The following NAPB variants were observed in gnomAD, a reference collection of about 807,000 sequenced individuals.
The protein encoded by NAPB is NSF attachment protein beta, also known as beta-soluble NSF attachment protein.
Under a neutral mutation model 44.7 loss-of-function variants are expected in NAPB, and 26 were observed. The ratio of observed to expected loss-of-function variants is 0.58; its 90% CI spans 0.43 to 0.81. NAPB has a LOEUF of 0.81. Ranked by LOEUF, NAPB falls within the 30% of genes least tolerant of loss-of-function variation. The pLI is 0.00. For synonymous variants in NAPB, 120 were observed against 116.8 expected (o/e 1.03, Z -0.18); for missense variants, 315 against 356.4 (o/e 0.88, Z 0.94).
chr20:23,399,651 G>A (rs77943289), intron 2 of NAPB, among the ~76,000 whole-genome samples: 2,979 of 152,324 alleles, frequency 0.02, 99 homozygotes, highest in African/African-American at 0.067. Flanking sequence ...GGCCCCTTGT[G>A]AATCATGAGA....
rs183783030 is a variant in NAPB at position 23,408,613 on chromosome 20, C to G, written c.99-5541G>C. On this transcript the variant is annotated intron_variant, in intron 1 of 10. Coordinates refer to ENST00000377026, the MANE Select transcript of NAPB (RefSeq NM_022080.3). Reference sequence around the variant, plus strand: ...AAAACTTGGGGCTTTCCTAGGTAAACTTAACCCTTCCAAGATTACTTTATT... The same window carrying G: ...AAAACTTGGGGCTTTCCTAGGTAAAGTTAACCCTTCCAAGATTACTTTATT... 5.9e-5 allele frequency among the ~76,000 whole-genome samples: 9 copies of G among 152,308 alleles called. No individual in the cohort carries two copies. In the East Asian group the frequency reaches 1.7e-3, roughly 29 times the overall value.
intron 5 of NAPB, among the ~76,000 whole-genome samples, chr20:23,393,946 G>A (rs539855643): frequency 3.3e-5 from 5 of 152,298 alleles, no homozygotes; most frequent in East Asian, 1.9e-4. Flanking sequence ...GCATGTGTGC[G>A]GAACAGCAAG....
intron 8 of NAPB, 111 bp from the exon 9 acceptor site, chr20:23,380,046 G>T: frequency 1.4e-6 from 1 of 730,968 alleles, no homozygotes; most frequent in Non-Finnish European, 2.2e-6. Flanking sequence ...TGTTGAAAAA[G>T]TATGTAGTTA....
chr20:23,411,572 AATG>A (rs1249785871), intron 1 of NAPB, among the ~76,000 whole-genome samples: 3 of 152,112 alleles, frequency 2.0e-5, no homozygotes, highest in African/African-American at 7.2e-5. Context: ...TCTAAGACAA[AATG>A]TAAGGACAAG....
At chr20:23,394,431 A>T (rs916578514) in intron 5 of NAPB, among the ~76,000 whole-genome samples, 5 of 152,182 alleles carry the variant, frequency 3.3e-5, no homozygotes, top group Non-Finnish European at 7.4e-5. Flanking sequence ...CCAGTCCCAG[A>T]CATGTTGGGT....
At chr20:23,388,172 A>C (rs6083106) in intron 7 of NAPB, among the ~76,000 whole-genome samples, 68,684 of 151,842 alleles carry the variant, frequency 0.45, 15,838 homozygotes, top group East Asian at 0.71. Context: ...GGTCTTCAGA[A>C]TGCAGATCTT....
At chr20:23,400,644 ATC>A (rs1984766369) in intron 2 of NAPB, among the ~76,000 whole-genome samples, 1 of 152,220 alleles carries the variant, frequency 6.6e-6, no homozygotes. Context: ...TGTGAGGATG[ATC>A]TCTCAAAAGC....
chr20:23,419,361 G>A (rs2251145), intron 1 of NAPB, among the ~76,000 whole-genome samples: 45,241 of 152,078 alleles, frequency 0.3, 6,765 homozygotes, highest in Middle Eastern at 0.38. Context: ...ATTTAAAAGG[G>A]AGATGTTTCT....
chr20:23,413,639 C>T (rs1395605291), intron 1 of NAPB, among the ~76,000 whole-genome samples: 1 of 151,986 alleles, frequency 6.6e-6, no homozygotes, highest in Admixed American at 6.6e-5. Context: ...AATAAAGTGA[C>T]AGAAGAAAAT....
At chr20:23,379,312 T>C in intron 10 of NAPB, 133 bp downstream of exon 10, 1 of 646,682 alleles carries the variant, frequency 1.5e-6, no homozygotes, top group Non-Finnish European at 2.6e-6. Flanking sequence ...AAGGTGACGT[T>C]TGGAAAATAC....
intron 1 of NAPB, among the ~76,000 whole-genome samples, chr20:23,416,961 G>A (rs916549920): frequency 3.3e-5 from 5 of 152,094 alleles, no homozygotes; most frequent in African/African-American, 1.2e-4. Context: ...TAACCCAATG[G>A]GGCCTTTCAT....
At chr20:23,388,139 G>C in intron 7 of NAPB, among the ~76,000 whole-genome samples, 1 of 152,070 alleles carries the variant, frequency 6.6e-6, no homozygotes, top group Non-Finnish European at 1.5e-5. Flanking sequence ...ATTTGGACTG[G>C]AGCTATACCA....
chr20:23,418,388 T>G lies in NAPB; in HGVS notation c.98+2917A>C, dbSNP rs139075223. Among the ~76,000 whole-genome samples, 796 of 152,316 alleles carry G rather than the reference T, an allele frequency of 5.2e-3. 7 individuals are homozygous for G. Among genetic ancestry groups the G allele is most frequent in the Non-Finnish European group, 9.0e-3 (615 of 68,032 alleles). ...TCCAGTCTAGAAAGGTGATGATACATGCCATCTATAAGGTAGGATTCTAAA... is the reference window on the plus strand; with the variant it reads ...TCCAGTCTAGAAAGGTGATGATACAGGCCATCTATAAGGTAGGATTCTAAA... On this transcript the variant is annotated intron_variant, in intron 1 of 10. Transcript: ENST00000377026.
At chr20:23,394,258 C>A (rs1309907649) in intron 5 of NAPB, among the ~76,000 whole-genome samples, 2 of 152,138 alleles carry the variant, frequency 1.3e-5, no homozygotes, top group African/African-American at 2.4e-5. Flanking sequence ...AAGGATCCTG[C>A]AGCGATCAAG....
chr20:23,378,431 T>A (rs964267514), intron 10 of NAPB, among the ~76,000 whole-genome samples: 2 of 149,212 alleles, frequency 1.3e-5, no homozygotes, highest in African/African-American at 2.4e-5. Context: ...AATATATATA[T>A]ATATTTATTA....
chr20:23,413,287 T>A (rs1985783857), intron 1 of NAPB, among the ~76,000 whole-genome samples: 1 of 151,094 alleles, frequency 6.6e-6, no homozygotes, highest in South Asian at 2.1e-4. Context: ...CTACCTGGAA[T>A]AAAACCCTTA....
chr20:23,381,723 A>C (rs944699827), intron 7 of NAPB, among the ~76,000 whole-genome samples: 22 of 152,214 alleles, frequency 1.4e-4, no homozygotes, highest in African/African-American at 5.1e-4. Flanking sequence ...CAGAAATGCC[A>C]GTATGCACAG....
At chr20:23,417,495 C>G (rs574692464) in intron 1 of NAPB, among the ~76,000 whole-genome samples, 2 of 152,082 alleles carry the variant, frequency 1.3e-5, no homozygotes, top group African/African-American at 2.4e-5. Context: ...TTTTCCAATT[C>G]AAAACTATCT....
chr20:23,400,627 T>C (rs866776828), intron 2 of NAPB, among the ~76,000 whole-genome samples: 1 of 152,302 alleles, frequency 6.6e-6, no homozygotes, highest in African/African-American at 2.4e-5. Flanking sequence ...AAAACTGGTA[T>C]AATACCTGTG....
Sources: allele counts gnomAD v4.1 joint callset (sites outside exome capture counted in the v4.1 genomes callset), GRCh38; gene constraint gnomAD v4.1.1; transcripts MANE v1.5; gene names NCBI Gene and HGNC (gene_info 2026-07-23, HGNC 2026-07-21).